The following KLRK1 variants were observed in gnomAD, a reference collection of about 807,000 sequenced individuals.
KLRK1 encodes the protein killer cell lectin like receptor K1.
In KLRK1, 40 loss-of-function variants were observed where a neutral mutation model predicts 31.3. That is an observed-to-expected ratio of 1.28 (90% confidence interval 0.99 to 1.67). KLRK1 has a LOEUF of 1.67. KLRK1 is among the 40% of genes most tolerant of loss of function. The pLI is 0.00. For missense variants in KLRK1, 251 were observed against 260.0 expected, an observed-to-expected ratio of 0.97 and a Z score of 0.24; for synonymous variants, 77 against 77.3, an observed-to-expected ratio of 1.00 and a Z score of 0.02.
At chr12:10,378,375 C>T in intron 6 of KLRK1, 140 bp from the exon 7 acceptor site, 1 of 1,302,930 alleles carries the variant, frequency 7.7e-7, no homozygotes, top group East Asian at 2.4e-5. Flanking sequence ...CTCATCCGAG[C>T]ACACATACAT....
intron 7 of KLRK1, among the ~76,000 whole-genome samples, chr12:10,373,601 A>G (rs902921138): frequency 1.3e-5 from 2 of 152,284 alleles, no homozygotes; most frequent in African/African-American, 4.8e-5. Flanking sequence ...AAAATAAAAC[A>G]TTTTCTTCAG....
rs769683300 is a variant in KLRK1 at position 10,372,994 on chromosome 12, C to G, written c.*120G>C. 2.4e-6 allele frequency: 2 copies of G among 828,926 alleles called. No individual in the cohort carries two copies. The highest frequency in any genetic ancestry group is 3.9e-6 in the Non-Finnish European group (2 of 516,864). 51.3% of individuals were successfully genotyped at this position (828,926 alleles called of 1,614,324 possible). A position where few individuals can be genotyped will look rare whatever the true frequency, so the allele number is the denominator to read the frequency against. Reference sequence around the variant, plus strand: ...TTTGGTCCTGTGGAGTCTAAGAAATCTGACAGTCTTTGGTCATTTTGTCCT... The same window carrying G: ...TTTGGTCCTGTGGAGTCTAAGAAATGTGACAGTCTTTGGTCATTTTGTCCT... On this transcript the variant is annotated 3_prime_UTR_variant, in exon 8 of 8. Transcript: ENST00000240618.
chr12:10,386,841 C>A (rs991748112), intron 3 of KLRK1, 62 bp downstream of exon 3: 25 of 1,322,194 alleles, frequency 1.9e-5, no homozygotes, highest in Middle Eastern at 1.9e-4. Flanking sequence ...TTCATTTAAT[C>A]ACATAGTTTC....
At chr12:10,377,872 A>T (rs373811037) in intron 7 of KLRK1, among the ~76,000 whole-genome samples, 1 of 152,220 alleles carries the variant, frequency 6.6e-6, no homozygotes, top group African/African-American at 2.4e-5. Context: ...CTGTCTCTTT[A>T]TCTGTAAAAC....
intron 7 of KLRK1, among the ~76,000 whole-genome samples, chr12:10,375,829 A>G (rs1862954992): frequency 6.6e-6 from 1 of 152,196 alleles, no homozygotes; most frequent in South Asian, 2.1e-4. Flanking sequence ...TATATTCATA[A>G]GATCAGTGAA....
intron 1 of KLRK1, among the ~76,000 whole-genome samples, chr12:10,389,494 A>G (rs1211040907): frequency 6.6e-6 from 1 of 152,216 alleles, no homozygotes; most frequent in African/African-American, 2.4e-5. Context: ...GATTTCAAAA[A>G]TAAAAGCTAT....
chr12:10,388,194 T>C (rs138180445), intron 2 of KLRK1, among the ~76,000 whole-genome samples: 1 of 152,286 alleles, frequency 6.6e-6, no homozygotes, highest in African/African-American at 2.4e-5. Context: ...ATTTTACATA[T>C]GGAGTAAAGA....
Position 10,382,628 on chromosome 12 carries a change from G to A in KLRK1, c.149-2836C>T, listed in dbSNP as rs180770807. 9.2e-5 allele frequency among the ~76,000 whole-genome samples: 14 copies of A among 152,188 alleles called. No individual in the cohort carries two copies. In the East Asian group the frequency reaches 2.7e-3, roughly 29 times the overall value. On this transcript the variant is annotated intron_variant, in intron 3 of 7. Transcript: ENST00000240618. ...GTCAGAAAAAAAAGAACACAAATGTGCAATAAGAAAACATTTGAATGTATA... is the reference window on the plus strand; with the variant it reads ...GTCAGAAAAAAAAGAACACAAATGTACAATAAGAAAACATTTGAATGTATA...
intron 2 of KLRK1, among the ~76,000 whole-genome samples, chr12:10,388,490 A>G (rs944380548): frequency 1.3e-5 from 2 of 152,218 alleles, no homozygotes; most frequent in African/African-American, 4.8e-5. Context: ...AGTTTGAGTA[A>G]AATTCAAGTC....
intron 3 of KLRK1, chr12:10,382,252 A>G (rs1032125654): frequency 1.3e-5 from 2 of 152,310 alleles, no homozygotes; most frequent in African/African-American, 4.8e-5. Flanking sequence ...GTCAAAGATT[A>G]GCAAGCAGAT....
chr12:10,387,495 A>T (rs1457038584), intron 2 of KLRK1, among the ~76,000 whole-genome samples: 1 of 152,120 alleles, frequency 6.6e-6, no homozygotes, highest in Non-Finnish European at 1.5e-5. Flanking sequence ...TAAAATAAAA[A>T]TATAATGAAC....
At chr12:10,384,685 G>A (rs1863134615) in intron 3 of KLRK1, among the ~76,000 whole-genome samples, 1 of 151,960 alleles carries the variant, frequency 6.6e-6, no homozygotes, top group African/African-American at 2.4e-5. Context: ...CATTAGTCTA[G>A]GCAAAGATTT....
At chr12:10,382,540 A>C (rs1319241114) in intron 3 of KLRK1, among the ~76,000 whole-genome samples, 1 of 152,182 alleles carries the variant, frequency 6.6e-6, no homozygotes, top group East Asian at 1.9e-4. Context: ...AGGCAAACAG[A>C]AGTTGAGTGA....
intron 3 of KLRK1, among the ~76,000 whole-genome samples, chr12:10,383,010 A>G (rs998076507): frequency 4.6e-5 from 7 of 152,164 alleles, no homozygotes; most frequent in African/African-American, 1.7e-4. Flanking sequence ...CCTATAATAG[A>G]TACACTAAAA....
chr12:10,386,857 T>C, intron 3 of KLRK1, 46 bp downstream of exon 3: 1 of 1,470,032 alleles, frequency 6.8e-7, no homozygotes, highest in South Asian at 1.3e-5. Flanking sequence ...GTTTCCAAGA[T>C]TCATTTCAAT....
intron 3 of KLRK1, chr12:10,381,901 A>T (rs891489076): frequency 3.3e-5 from 5 of 152,244 alleles, no homozygotes; most frequent in African/African-American, 1.2e-4. Flanking sequence ...AGAGTGTGGG[A>T]CTTTGTGTCG....
intron 7 of KLRK1, among the ~76,000 whole-genome samples, chr12:10,375,879 C>T (rs1325054672): frequency 6.6e-6 from 1 of 152,146 alleles, no homozygotes. Context: ...TGCTGAATTG[C>T]TCTGTGCAAT....
chr12:10,389,078 A>C (rs1473023580), intron 1 of KLRK1: 8 of 443,724 alleles, frequency 1.8e-5, no homozygotes, highest in Non-Finnish European at 2.4e-5. Flanking sequence ...AATTACTTCA[A>C]AATGTCATAA....
rs1862985434 is a variant in KLRK1, at chr12:10,377,313, TTTATG to T, written c.533+814_533+818del. 2.6e-5 allele frequency among the ~76,000 whole-genome samples: 4 copies of T among 152,214 alleles called. No homozygotes were observed. The South Asian group carries it at 8.3e-4, about 31-fold the overall frequency. On this transcript the variant is annotated intron_variant, in intron 7 of 7. Coordinates refer to ENST00000240618, the MANE Select transcript of KLRK1 (RefSeq NM_007360.4). ...GATTCAGCCATTTTGTTTCTAGGTG[TTTATG>T]TTAAGGGAAAGAAAGATTTCGTTAA...
Sources: allele counts gnomAD v4.1 joint callset (sites outside exome capture counted in the v4.1 genomes callset), GRCh38; gene constraint gnomAD v4.1.1; transcripts MANE v1.5; gene names NCBI Gene and HGNC (gene_info 2026-07-23, HGNC 2026-07-21).